SHLD2: variants seen among roughly 807,000 people sequenced by gnomAD.
SHLD2 encodes RINN1-REV7-interacting novel NHEJ regulator 2.
Under a neutral mutation model 73.2 loss-of-function variants are expected in SHLD2, and 30 were observed. The ratio of observed to expected loss-of-function variants is 0.41; its 90% CI spans 0.31 to 0.56. SHLD2 has a LOEUF of 0.56. Among genes scored for constraint, SHLD2 ranks in the 20% least tolerant of loss-of-function variants. The pLI is 0.28. For synonymous variants in SHLD2, 285 were observed against 370.1 expected, an observed-to-expected ratio of 0.77 and a Z score of 2.64; for missense variants, 745 against 1,055.9, an observed-to-expected ratio of 0.71 and a Z score of 4.08.
chr10:87,142,796 T>G (rs1406496311), intron 2 of SHLD2, among the ~76,000 whole-genome samples: 3 of 151,294 alleles, frequency 2.0e-5, no homozygotes, highest in East Asian at 3.9e-4. Context: ...TGTGTTTGTT[T>G]TGTTTTTCAT....
intron 2 of SHLD2, chr10:87,115,338 A>G (rs1376738807): frequency 6.6e-6 from 1 of 152,258 alleles, no homozygotes. Flanking sequence ...GGTGTGAGCT[A>G]CTGAGCCCAG....
chr10:87,182,142 T>G (rs1424295566), intron 8 of SHLD2, among the ~76,000 whole-genome samples: 1 of 152,184 alleles, frequency 6.6e-6, no homozygotes, highest in Admixed American at 6.5e-5. Context: ...ATTAACAAAC[T>G]CCCTTCAAGT....
intron 8 of SHLD2, among the ~76,000 whole-genome samples, chr10:87,181,321 T>C (rs10466231): frequency 0.037 from 5,572 of 151,566 alleles, 334 homozygotes; most frequent in African/African-American, 0.12. Context: ...GGAGATCGAT[T>C]GTTACAGTGA....
intron 2 of SHLD2, among the ~76,000 whole-genome samples, chr10:87,132,894 G>A (rs1244867046): frequency 6.6e-6 from 1 of 152,126 alleles, no homozygotes; most frequent in African/African-American, 2.4e-5. Flanking sequence ...CTTTTATTGG[G>A]TACCAGATGT....
At chr10:87,173,700 T>G in intron 6 of SHLD2, among the ~76,000 whole-genome samples, 1 of 151,144 alleles carries the variant, frequency 6.6e-6, no homozygotes, top group Non-Finnish European at 1.5e-5. Flanking sequence ...GAACAAAAAC[T>G]ATTATACATA....
intron 2 of SHLD2, among the ~76,000 whole-genome samples, chr10:87,138,329 T>A: frequency 2.2e-5 from 3 of 138,244 alleles, no homozygotes; most frequent in Admixed American, 7.2e-5. Context: ...AAAGAAAAAA[T>A]AGAATGTTAA....
chr10:87,136,623 G>A (rs1378334704), intron 2 of SHLD2, among the ~76,000 whole-genome samples: 2 of 151,968 alleles, frequency 1.3e-5, no homozygotes, highest in African/African-American at 4.8e-5. Flanking sequence ...TTATATTGAT[G>A]TATTCGGTTC....
intron 2 of SHLD2, among the ~76,000 whole-genome samples, chr10:87,099,466 G>C (rs1436215846): frequency 6.6e-6 from 1 of 152,154 alleles, no homozygotes; most frequent in East Asian, 1.9e-4. Context: ...GTATTTTAAA[G>C]GTTTATGCGT....
chr10:87,156,588 T>C (rs540390469), intron 3 of SHLD2, among the ~76,000 whole-genome samples: 22 of 152,288 alleles, frequency 1.4e-4, no homozygotes, highest in African/African-American at 5.1e-4. Flanking sequence ...AGCTGGGGCA[T>C]GTCAGTGAGA....
At chr10:87,103,405 T>G (rs1456816089) in intron 2 of SHLD2, among the ~76,000 whole-genome samples, 2 of 152,152 alleles carry the variant, frequency 1.3e-5, no homozygotes, top group Non-Finnish European at 2.9e-5. Flanking sequence ...TTTGAAAATA[T>G]AGGGTGGCAT....
intron 2 of SHLD2, among the ~76,000 whole-genome samples, chr10:87,150,512 G>A (rs770078530): frequency 2.0e-5 from 3 of 151,748 alleles, no homozygotes; most frequent in African/African-American, 7.3e-5. Context: ...TGTAATCCCA[G>A]CACTTTGACA....
chr10:87,118,479 G>A (rs1400087991), intron 2 of SHLD2, among the ~76,000 whole-genome samples: 3 of 147,404 alleles, frequency 2.0e-5, no homozygotes, highest in Non-Finnish European at 4.5e-5. Context: ...TTGACTTCAA[G>A]GCATTTTCTA....
intron 8 of SHLD2, among the ~76,000 whole-genome samples, chr10:87,183,043 G>A (rs1361782894): frequency 2.6e-5 from 4 of 152,228 alleles, no homozygotes; most frequent in African/African-American, 2.4e-5. Flanking sequence ...TTAGAATGAA[G>A]CTAGTGCAGA....
At chr10:87,140,917 G>A (rs1257886887) in intron 2 of SHLD2, among the ~76,000 whole-genome samples, 6 of 151,796 alleles carry the variant, frequency 4.0e-5, no homozygotes, top group Non-Finnish European at 7.4e-5. Context: ...TCAAGGCTGC[G>A]GTAAGCCATA....
chr10:87,157,774 T>C (rs1465962688), intron 3 of SHLD2, among the ~76,000 whole-genome samples: 1 of 152,244 alleles, frequency 6.6e-6, no homozygotes, highest in Non-Finnish European at 1.5e-5. Context: ...ATTTTCCTTA[T>C]GTAAATAAAA....
At chr10:87,141,477 G>T (rs1407644093) in intron 2 of SHLD2, among the ~76,000 whole-genome samples, 1 of 151,780 alleles carries the variant, frequency 6.6e-6, no homozygotes, top group Non-Finnish European at 1.5e-5. Context: ...AAGTAGCTGG[G>T]ATTACAGGCG....
At chr10:87,097,578 C>T (rs778565568) in intron 2 of SHLD2, among the ~76,000 whole-genome samples, 23 of 151,640 alleles carry the variant, frequency 1.5e-4, no homozygotes, top group South Asian at 8.3e-4. Flanking sequence ...GGCAACAGAG[C>T]GAGTCTTCAT....
rs879494523 is a variant in SHLD2, at chr10:87,142,030, C to CAA, written c.-5-9307_-5-9306dup. On this transcript the variant is annotated intron_variant, in intron 2 of 9. Transcript: ENST00000298786. ...TGGGCAACAGAGCAAGACTCCATCTCAAAAAAAAAAAAAATATATCAAATT... is the reference window on the plus strand; with the variant it reads ...TGGGCAACAGAGCAAGACTCCATCTCAAAAAAAAAAAAAAAATATATCAAATT... 2.9e-3 allele frequency among the ~76,000 whole-genome samples: 358 copies of CAA among 123,816 alleles called. 2 individuals carry two copies. Among genetic ancestry groups the CAA allele is most frequent in the East Asian group, 9.5e-3 (44 of 4,638 alleles). The allele number at this position is 123,816 out of a possible 152,430, so 81.2% of individuals were successfully genotyped here. A position where few individuals can be genotyped will look rare whatever the true frequency, so the allele number is the denominator to read the frequency against.
At chr10:87,186,201 C>T (rs1488082207) in intron 8 of SHLD2, among the ~76,000 whole-genome samples, 1 of 151,906 alleles carries the variant, frequency 6.6e-6, no homozygotes, top group Non-Finnish European at 1.5e-5. Flanking sequence ...AACATAGAGT[C>T]ATCGTGTGAA....
Sources: allele counts gnomAD v4.1 joint callset (sites outside exome capture counted in the v4.1 genomes callset), GRCh38; gene constraint gnomAD v4.1.1; transcripts MANE v1.5; gene names NCBI Gene and HGNC (gene_info 2026-07-23, HGNC 2026-07-21).